Variants in HEXD observed in about 807,000 individuals in gnomAD.
The protein encoded by HEXD is N-acetyl-beta-galactosaminidase.
In HEXD, 47 loss-of-function variants were observed where a neutral mutation model predicts 54.2. The ratio of observed to expected loss-of-function variants is 0.87; its 90% CI spans 0.69 to 1.11. The LOEUF (loss-of-function observed/expected upper bound fraction) is 1.11, where lower values mean the gene tolerates loss of function less well. Among genes scored for constraint, HEXD ranks in the 50% least tolerant of loss-of-function variants. The pLI is 0.00. For synonymous variants in HEXD, 293 were observed against 287.6 expected, an observed-to-expected ratio of 1.02 and a Z score of -0.19; for missense variants, 576 against 649.2, an observed-to-expected ratio of 0.89 and a Z score of 1.23.
chr17:82,442,194 G>A lies in HEXD; in HGVS notation c.1271G>A (p.Ser424Asn), dbSNP rs2054007734. The A allele has an allele frequency of 1.1e-5, 17 of 1,601,716 alleles. No individual in the cohort carries two copies. The highest frequency in any genetic ancestry group is 1.4e-5 in the Non-Finnish European group (17 of 1,178,422). ...ACCTGCAGCCTCCTGGCACAGTGGA[G>A]CACCCTCGTGCAGGAGCTGGAGGCT... The part of the protein sequence containing the change: ...PAALSLLAQW[S>N]TLVQELEAAL... The change falls in exon 13 of 13, where the codon AGC (serine) becomes AAC (asparagine). Residue 424 changes from serine to asparagine, a missense_variant. Transcript: ENST00000327949. This position sits in a 1 kb window ranked among gnomAD's most constrained non-coding sequence, Gnocchi z 6.8.
intron 4 of HEXD, among the ~76,000 whole-genome samples, chr17:82,430,873 TGATCACCA>T (rs1228614396): frequency 2.5e-4 from 38 of 152,316 alleles, no homozygotes; most frequent in African/African-American, 8.9e-4. Flanking sequence ...AAACTCTTTG[TGATCACCA>T]GATCACAAAG....
chr17:82,422,679 A>G (rs1293499790), intron 2 of HEXD, among the ~76,000 whole-genome samples: 1 of 152,220 alleles, frequency 6.6e-6, no homozygotes, highest in Non-Finnish European at 1.5e-5. Context: ...GACAGAAAAG[A>G]AAAAAGCAAA....
At chr17:82,440,902 C>G in intron 9 of HEXD, 95 bp from the exon 10 acceptor site, 1 of 1,405,768 alleles carries the variant, frequency 7.1e-7, no homozygotes. Context: ...TTGCCGCCCG[C>G]CCACTGCCCC....
intron 3 of HEXD, chr17:82,426,683 C>CT (rs1162484164): frequency 8.5e-5 from 13 of 152,160 alleles, no homozygotes; most frequent in Admixed American, 7.9e-4. Flanking sequence ...ACTGGTAAGC[C>CT]TTTTTTAAAA....
At chr17:82,428,858 T>G (rs1413239313) in intron 4 of HEXD, among the ~76,000 whole-genome samples, 1 of 152,112 alleles carries the variant, frequency 6.6e-6, no homozygotes, top group South Asian at 2.1e-4. Flanking sequence ...GCCTGAGGAA[T>G]GGAAGGAAAG....
chr17:82,425,117 T>C (rs1359404817), intron 3 of HEXD, among the ~76,000 whole-genome samples: 4 of 116,874 alleles, frequency 3.4e-5, no homozygotes, highest in African/African-American at 1.4e-4. Context: ...CGGAGGAGGC[T>C]GGAGGAGGCC....
chr17:82,441,967 C>G (rs2053993697), intron 12 of HEXD, 78 bp downstream of exon 12: 4 of 1,461,200 alleles, frequency 2.7e-6, no homozygotes, highest in Non-Finnish European at 3.8e-6. Flanking sequence ...TGTCCCTCAA[C>G]TAGAGAGCAG....
At position 82,433,118 on chromosome 17, in the gene HEXD, ATATATATATATTTTTTTTTTTTTTT is replaced by A. The variant is rs1447380101; in HGVS notation, c.283-524_283-500del. Among the ~76,000 whole-genome samples the A allele has an allele frequency of 4.4e-3, 80 of 17,982 alleles. 2 individuals carry two copies. Among genetic ancestry groups the A allele is most frequent in the African/African-American group, 0.027 (47 of 1,754 alleles). 11.8% of individuals were successfully genotyped at this position (17,982 alleles called of 152,430 possible). On this transcript the variant is annotated intron_variant, in intron 4 of 12. Coordinates refer to ENST00000327949, the MANE Select transcript of HEXD (RefSeq NM_001330542.2). ...TATATATATATATATATATATATAT[ATATATATATATTTTTTTTTTTTTTT>A]TATATATATATTTTTAGTCTGGGCG...
At chr17:82,427,932 T>G (rs2053464486) in intron 3 of HEXD, 1 of 152,250 alleles carries the variant, frequency 6.6e-6, no homozygotes, top group Admixed American at 6.5e-5. Flanking sequence ...GTGGTGGACC[T>G]GCCCTCGGGC....
chr17:82,439,010 C>A (rs1321287224), intron 8 of HEXD, among the ~76,000 whole-genome samples: 1 of 152,216 alleles, frequency 6.6e-6, no homozygotes, highest in Admixed American at 6.5e-5. Flanking sequence ...CAGCGTCTGT[C>A]ACCCACCTCA....
intron 2 of HEXD, among the ~76,000 whole-genome samples, chr17:82,420,765 A>G (rs2053211818): frequency 1.3e-5 from 2 of 152,028 alleles, no homozygotes; most frequent in African/African-American, 4.8e-5. Flanking sequence ...ACGGGGTTTC[A>G]CCACATTGGC....
chr17:82,433,911 C>A, intron 5 of HEXD, 89 bp downstream of exon 5: 1 of 1,209,682 alleles, frequency 8.3e-7, no homozygotes, highest in Admixed American at 3.1e-5. Flanking sequence ...GGCACTGAGG[C>A]CTAGAGACAG....
At chr17:82,433,091 A>AATATATATATATAT (rs1555617646) in intron 4 of HEXD, among the ~76,000 whole-genome samples, 2 of 13,230 alleles carry the variant, frequency 1.5e-4, no homozygotes, top group Admixed American at 1.7e-3. Flanking sequence ...AAAAAAAAAA[A>AATATATATATATAT]ATATATATAT....
chr17:82,437,628 T>A (rs1324235881), intron 8 of HEXD, among the ~76,000 whole-genome samples: 1 of 53,802 alleles, frequency 1.9e-5, no homozygotes, highest in African/African-American at 1.1e-4. Flanking sequence ...CCTGAGGCTG[T>A]GTGTGTGTGT....
At chr17:82,433,990 C>T (rs536846155) in intron 5 of HEXD, among the ~76,000 whole-genome samples, 168 bp downstream of exon 5, 1 of 152,268 alleles carries the variant, frequency 6.6e-6, no homozygotes, top group African/African-American at 2.4e-5. Flanking sequence ...TGGCACGGGA[C>T]AGCCTGCGGA....
chr17:82,431,432 T>G (rs1419168845), intron 4 of HEXD, among the ~76,000 whole-genome samples: 1 of 142,430 alleles, frequency 7.0e-6, no homozygotes. Flanking sequence ...AAGTGCTAAT[T>G]TTTTTTTTTT....
rs2053676261 is a variant in HEXD, at chr17:82,433,662, T to G, written c.287T>G (p.Val96Gly). 5 of 1,591,426 alleles carry G rather than the reference T, an allele frequency of 3.1e-6. No individual in the cohort carries two copies. The East Asian group carries it at 1.2e-4, about 37-fold the overall frequency. Residue 96 changes from valine (V) to glycine (G), a missense_variant, in exon 5 of 13, where the codon GTG becomes GGG. Physicochemically the swap from Val to Gly is moderately radical, Grantham distance 109. Transcript: ENST00000327949. Reference protein sequence around the residue: ...LVQTFGHMEFVLKHTAFAHLR... With the variant: ...LVQTFGHMEFGLKHTAFAHLR... The stretch of plus-strand genomic sequence containing the variant: ...AACTTCTCTGTCTCTCCGCAGTTTG[T>G]GCTGAAGCACACGGCCTTCGCCCAC...
chr17:82,432,074 A>G (rs961188651), intron 4 of HEXD, among the ~76,000 whole-genome samples: 2 of 152,034 alleles, frequency 1.3e-5, no homozygotes, highest in Non-Finnish European at 2.9e-5. Flanking sequence ...CTCTGTCTTC[A>G]TAGTTGGTGG....
chr17:82,432,403 C>T lies in HEXD; in HGVS notation c.283-1255C>T, dbSNP rs567381596. 9.2e-5 allele frequency among the ~76,000 whole-genome samples: 14 copies of T among 152,200 alleles called. No homozygotes were observed. The East Asian group carries it at 1.2e-3, about 13-fold the overall frequency. On this transcript the variant is annotated intron_variant, in intron 4 of 12. Coordinates refer to ENST00000327949, the MANE Select transcript of HEXD (RefSeq NM_001330542.2). The stretch of plus-strand genomic sequence containing the variant: ...CTCCAGTTGCTGCTTCTACTGACAG[C>T]GCCCCCACAAGGGGTGGGTTTTTAA...
Sources: allele counts gnomAD v4.1 joint callset (sites outside exome capture counted in the v4.1 genomes callset), GRCh38; gene constraint gnomAD v4.1.1; non-coding constraint Gnocchi (gnomAD v3.1); transcripts MANE v1.5; gene names NCBI Gene and HGNC (gene_info 2026-07-23, HGNC 2026-07-21).